TRPM2: variants seen among roughly 807,000 people sequenced by gnomAD.
TRPM2 encodes transient receptor potential cation channel subfamily M member 2, also known as estrogen-responsive element-associated gene 1 protein.
Under a neutral mutation model 174.0 loss-of-function variants are expected in TRPM2, and 161 were observed. The ratio of observed to expected loss-of-function variants is 0.93; its 90% CI spans 0.81 to 1.05. The LOEUF (loss-of-function observed/expected upper bound fraction) is 1.05, where lower values mean the gene tolerates loss of function less well. TRPM2 is among the 50% of genes least tolerant of loss of function. The pLI is 0.00. For missense variants in TRPM2, 2,057 were observed against 2,038.0 expected (o/e 1.01, Z -0.18); for synonymous variants, 954 against 861.3 (o/e 1.11, Z -1.88).
chr21:44,397,637 G>T, intron 12 of TRPM2, 110 bp from the exon 13 acceptor site: 2 of 1,269,440 alleles, frequency 1.6e-6, no homozygotes, highest in Non-Finnish European at 2.1e-6. Context: ...TTGCCCAGTG[G>T]CCCGCACTGT....
At chr21:44,422,157 A>G in intron 22 of TRPM2, 3 of 1,280,986 alleles carry the variant, frequency 2.3e-6, no homozygotes, top group Non-Finnish European at 2.1e-6. Context: ...TAGCCTGGTC[A>G]CCGTCCCCTC....
chr21:44,423,809 CAAG>C lies in TRPM2; in HGVS notation c.3549+81_3549+83del, dbSNP rs918732687. On this transcript the variant is annotated intron_variant, in intron 23 of 31. Coordinates refer to ENST00000397928, the MANE Select transcript of TRPM2 (RefSeq NM_003307.4). ...GGGCGGCTCTGCCATGTGGTGGCAC[CAAG>C]AAGGAGGGCTCTGAGGAGTGATGGT... The C allele has an allele frequency of 5.6e-4, 686 of 1,225,650 alleles. No homozygotes were observed. The Middle Eastern group carries it at 6.0e-3, about 11-fold the overall frequency. The allele number at this position is 1,225,650 out of a possible 1,614,324, so 75.9% of individuals were successfully genotyped here. A position where few individuals can be genotyped will look rare whatever the true frequency, so the allele number is the denominator to read the frequency against.
At chr21:44,386,775 G>T (rs2049030668) in intron 9 of TRPM2, among the ~76,000 whole-genome samples, 1 of 151,594 alleles carries the variant, frequency 6.6e-6, no homozygotes, top group African/African-American at 2.4e-5. Context: ...GAGTCTAAAG[G>T]GATCCCAAAC....
intron 16 of TRPM2, among the ~76,000 whole-genome samples, chr21:44,404,314 A>G (rs1398288718): frequency 6.6e-6 from 1 of 152,194 alleles, no homozygotes; most frequent in African/African-American, 2.4e-5. Context: ...ATACATGCAC[A>G]TACACATATA....
rs750152998 is a variant in TRPM2 at position 44,377,785 on chromosome 21, C to T, written c.1014+12C>T. On this transcript the variant is annotated intron_variant, in intron 7 of 31. Coordinates refer to ENST00000397928, the MANE Select transcript of TRPM2 (RefSeq NM_003307.4). The stretch of plus-strand genomic sequence containing the variant: ...CGGGCACGTTGCACGTGAGTATGGC[C>T]AGGTGGGAGGGGGCATGTGTGGGCC... The T allele has an allele frequency of 6.2e-7, 1 of 1,613,768 alleles. No homozygotes were observed. The highest frequency in any genetic ancestry group is 1.3e-5 in the African/African-American group (1 of 74,938).
In TRPM2 at chr21:44,436,514, G is replaced by A. The variant is rs1201374133; in HGVS notation, c.4062-548G>A. Among the ~76,000 whole-genome samples, 79 of 19,696 alleles carry A rather than the reference G, an allele frequency of 4.0e-3. 4 individuals are homozygous for A. Among genetic ancestry groups the A allele is most frequent in the African/African-American group, 0.017 (75 of 4,444 alleles). The allele number at this position is 19,696 out of a possible 152,430, so 12.9% of individuals were successfully genotyped here. A position where few individuals can be genotyped will look rare whatever the true frequency, so the allele number is the denominator to read the frequency against. ...CCCACGTCACCCCCACGTCACCCCC[G>A]GGCTGCACTCTGCACCCCATGTGAC... On this transcript the variant is annotated intron_variant, in intron 28 of 31. Transcript: ENST00000397928.
rs945490654 is a variant in TRPM2, at chr21:44,439,283, G to T, written c.4269+115G>T. 5 of 889,434 alleles carry T rather than the reference G, an allele frequency of 5.6e-6. No individual in the cohort carries two copies. Among genetic ancestry groups the T allele is most frequent in the African/African-American group, 1.7e-5 (1 of 60,406 alleles). The allele number at this position is 889,434 out of a possible 1,614,324, so 55.1% of individuals were successfully genotyped here. On this transcript the variant is annotated intron_variant, in intron 30 of 31. Coordinates refer to ENST00000397928, the MANE Select transcript of TRPM2 (RefSeq NM_003307.4). This position sits in a 1 kb window ranked among gnomAD's most constrained non-coding sequence, Gnocchi z 5.1. ...CACTGGGTGGCAGCGGTCCCACCCA[G>T]CTTCACCAGGTGACGGTGGTCCCAG...
chr21:44,438,778 C>G lies in TRPM2; in HGVS notation c.4168-289C>G, dbSNP rs554526629. Among the ~76,000 whole-genome samples the G allele has an allele frequency of 1.3e-5, 2 of 152,120 alleles. No homozygotes were observed. Among genetic ancestry groups the G allele is most frequent in the South Asian group, 2.1e-4 (1 of 4,836 alleles). ...AGCGGGAAGGGGGTGCCCTGTCACCCTTGGGGAGTCTGAGCTCAGGGTGGG... is the reference window on the plus strand; with the variant it reads ...AGCGGGAAGGGGGTGCCCTGTCACCGTTGGGGAGTCTGAGCTCAGGGTGGG... On this transcript the variant is annotated intron_variant, in intron 29 of 31. Coordinates refer to ENST00000397928, the MANE Select transcript of TRPM2 (RefSeq NM_003307.4). The surrounding 1 kb of genome is among the most constrained non-coding windows in gnomAD (Gnocchi z 5.9).
intron 11 of TRPM2, among the ~76,000 whole-genome samples, chr21:44,392,677 C>T (rs971026264): frequency 6.6e-6 from 1 of 152,092 alleles, no homozygotes. Context: ...GCTATAGTCA[C>T]ACTGGGGGTT....
At chr21:44,388,248 A>T (rs2049069178) in intron 9 of TRPM2, among the ~76,000 whole-genome samples, 1 of 152,224 alleles carries the variant, frequency 6.6e-6, no homozygotes, top group Non-Finnish European at 1.5e-5. Context: ...ATTCTGACAC[A>T]TGCTGCAACA....
chr21:44,427,641 G>A (rs1337953862), intron 27 of TRPM2, among the ~76,000 whole-genome samples: 1 of 152,214 alleles, frequency 6.6e-6, no homozygotes, highest in African/African-American at 2.4e-5. Flanking sequence ...GCCATGAGGA[G>A]GAGGTGGAGG....
intron 22 of TRPM2, among the ~76,000 whole-genome samples, chr21:44,420,927 G>T (rs181184440): frequency 1.3e-4 from 20 of 152,320 alleles, no homozygotes; most frequent in Admixed American, 1.2e-3. Context: ...AGTGAGAGAG[G>T]TGGCTCAGCT....
upstream of TRPM2, chr21:44,353,546 T>C (rs2047965386): frequency 3.1e-6 from 3 of 953,376 alleles, no homozygotes; most frequent in East Asian, 3.3e-5. Flanking sequence ...AGGAAGCATG[T>C]GGCCAGGTCC....
In TRPM2 at chr21:44,390,981, G is replaced by T. The variant is rs2049155111; in HGVS notation, c.1396G>T (p.Asp466Tyr). 1.2e-6 allele frequency: 2 copies of T among 1,614,102 alleles called. No individual in the cohort carries two copies. Among genetic ancestry groups the T allele is most frequent in the Non-Finnish European group, 1.7e-6 (2 of 1,180,026 alleles). Reference sequence around the variant, plus strand: ...ACTGGCAGTGGCATGGAATCGCGTGGACATTGCCCGCAGTGAGATCTTCAT... The same window carrying T: ...ACTGGCAGTGGCATGGAATCGCGTGTACATTGCCCGCAGTGAGATCTTCAT... ...LKLAVAWNRV[D>Y]IARSEIFMDE... Residue 466 changes from aspartate to tyrosine, a missense_variant, in exon 10 of 32, where the codon GAC becomes TAC. Transcript: ENST00000397928.
At chr21:44,412,032 T>C (rs1241401047) in intron 19 of TRPM2, among the ~76,000 whole-genome samples, 2 of 152,222 alleles carry the variant, frequency 1.3e-5, no homozygotes, top group African/African-American at 4.8e-5. Context: ...CCTATATTCA[T>C]GAAGGTTATT....
intron 9 of TRPM2, among the ~76,000 whole-genome samples, chr21:44,386,442 A>G (rs28869022): frequency 0.039 from 5,877 of 152,208 alleles, 337 homozygotes; most frequent in African/African-American, 0.12. Context: ...ATTTCTATAC[A>G]CTAAAAATGA....
rs771384036 is a variant in TRPM2, at chr21:44,400,283, G to A, written c.2233G>A (p.Gly745Ser). Residue 745 changes from glycine (G) to serine (S), a missense_variant, in exon 15 of 32, where the codon GGC becomes AGC. Gly to Ser is a moderately conservative substitution (Grantham distance 56). Transcript: ENST00000397928. ...GGCCTTCCTGACCAAGGTGTGGTGG[G>A]GCCAGCTCTCCGTGGACAATGGGCT... ...IQAFLTKVWW[G>S]QLSVDNGLWR... The A allele has an allele frequency of 6.2e-7, 1 of 1,612,820 alleles. No individual in the cohort carries two copies. Among genetic ancestry groups the A allele is most frequent in the South Asian group, 1.1e-5 (1 of 91,010 alleles).
chr21:44,378,952 C>A (rs760326030), intron 7 of TRPM2, 45 bp from the exon 8 acceptor site: 3 of 1,569,188 alleles, frequency 1.9e-6, no homozygotes. Flanking sequence ...AGCATCGGAG[C>A]GGTGAGGACC....
At chr21:44,383,768 C>CA (rs1428436008) in intron 9 of TRPM2, among the ~76,000 whole-genome samples, 1 of 152,032 alleles carries the variant, frequency 6.6e-6, no homozygotes, top group Non-Finnish European at 1.5e-5. Flanking sequence ...CTTACACAGC[C>CA]AATGGATGAA....
Sources: gnomAD v4.1 joint callset for allele counts (sites outside exome capture counted in the v4.1 genomes callset) on GRCh38, gnomAD v4.1.1 for gene constraint, Gnocchi (gnomAD v3.1) non-coding constraint, MANE v1.5 for transcripts, NCBI Gene and HGNC (gene_info 2026-07-23, HGNC 2026-07-21) for gene names.